The following FOXN2 variants were observed in gnomAD, a reference collection of about 807,000 sequenced individuals.
The protein encoded by FOXN2 is forkhead box N2.
Under a neutral mutation model 41.2 loss-of-function variants are expected in FOXN2, and 19 were observed. The observed-to-expected ratio is 0.46, with a 90% CI of 0.32 to 0.68. The LOEUF (loss-of-function observed/expected upper bound fraction) is 0.68. FOXN2 is among the 30% of genes least tolerant of loss of function. FOXN2 has a pLI of 0.03. For missense variants in FOXN2, 587 were observed against 509.4 expected (o/e 1.15, Z -1.47); for synonymous variants, 195 against 176.8 (o/e 1.10, Z -0.82).
intron 5 of FOXN2, 31 bp from the exon 6 acceptor site, chr2:48,373,261 A>G (rs756372837): frequency 2.0e-6 from 3 of 1,474,998 alleles, no homozygotes; most frequent in African/African-American, 1.4e-5. Context: ...TTTATAAAGA[A>G]CATTAATATT....
chr2:48,314,399 C>T (rs1215478658), upstream of FOXN2, among the ~76,000 whole-genome samples: 3 of 152,354 alleles, frequency 2.0e-5, no homozygotes, highest in East Asian at 1.9e-4. Context: ...ACAGCGCCTC[C>T]ACCCTGCTTT....
chr2:48,314,635 G>A (rs1177285619), upstream of FOXN2: 1 of 152,424 alleles, frequency 6.6e-6, no homozygotes, highest in Admixed American at 6.5e-5. Flanking sequence ...AGGGGAGGGA[G>A]GGGGAGGAAG....
intron 2 of FOXN2, among the ~76,000 whole-genome samples, chr2:48,335,436 T>G (rs895785609): frequency 2.6e-5 from 4 of 151,272 alleles, no homozygotes; most frequent in Admixed American, 2.6e-4. Context: ...GGGAACATTT[T>G]TAAGAGAAAA....
chr2:48,358,202 C>T lies in FOXN2; in HGVS notation c.538-845C>T, dbSNP rs549084161. ...CGTTTTTTTTTCAAAATTCCCTCCTCGGTGGAAAGTAAAGGAGTAGGAACA... is the reference window on the plus strand; with the variant it reads ...CGTTTTTTTTTCAAAATTCCCTCCTTGGTGGAAAGTAAAGGAGTAGGAACA... On this transcript the variant is annotated intron_variant, in intron 3 of 6. Transcript: ENST00000340553. 1.7e-3 allele frequency among the ~76,000 whole-genome samples: 259 copies of T among 151,486 alleles called. 2 individuals carry two copies. The highest frequency in any genetic ancestry group is 5.9e-3 in the African/African-American group (242 of 41,308).
chr2:48,329,468 C>T (rs927310930), intron 2 of FOXN2, among the ~76,000 whole-genome samples: 2 of 152,072 alleles, frequency 1.3e-5, no homozygotes, highest in African/African-American at 4.8e-5. Context: ...GAAGCAATTT[C>T]TCCATGAGAC....
intron 6 of FOXN2, 91 bp from the exon 7 acceptor site, chr2:48,374,829 T>C (rs1673130555): frequency 4.8e-6 from 5 of 1,046,524 alleles, no homozygotes; most frequent in Non-Finnish European, 6.9e-6. Context: ...CTAAAACATT[T>C]GTTGCTCAAG....
At position 48,375,542 on chromosome 2, in the gene FOXN2, TA is replaced by T; in HGVS notation, c.*101del. On this transcript the variant is annotated 3_prime_UTR_variant, in exon 7 of 7. Coordinates refer to ENST00000340553, the MANE Select transcript of FOXN2 (RefSeq NM_002158.4). ...TAGTTTTAGGGTAGGGAAGGGATACTAATTACTTATTTCTTTCAAAACATTT... is the reference window on the plus strand; with the variant it reads ...TAGTTTTAGGGTAGGGAAGGGATACTATTACTTATTTCTTTCAAAACATTT... 1.7e-6 allele frequency: 2 copies of T among 1,182,484 alleles called. No individual in the cohort carries two copies. The highest frequency in any genetic ancestry group is 2.3e-6 in the Non-Finnish European group (2 of 867,762). The allele number at this position is 1,182,484 out of a possible 1,614,324, so 73.2% of individuals were successfully genotyped here.
intron 1 of FOXN2, among the ~76,000 whole-genome samples, chr2:48,315,060 T>C (rs1668808001): frequency 6.6e-6 from 1 of 151,840 alleles, no homozygotes; most frequent in African/African-American, 2.4e-5. Flanking sequence ...GGAGTGTGGC[T>C]TGTGAGGAGT....
At chr2:48,328,792 G>A (rs942010869) in intron 2 of FOXN2, 90 bp downstream of exon 2, 33 of 152,078 alleles carry the variant, frequency 2.2e-4, no homozygotes, top group Admixed American at 1.3e-3. Flanking sequence ...GTTTTGTTTA[G>A]ATGTGGCATT....
At chr2:48,321,052 G>A (rs1235368128) in intron 1 of FOXN2, among the ~76,000 whole-genome samples, 3 of 151,802 alleles carry the variant, frequency 2.0e-5, no homozygotes, top group Non-Finnish European at 2.9e-5. Flanking sequence ...TACTGTTTCA[G>A]TTTTCTAGTA....
At chr2:48,315,176 A>G (rs967145469) in intron 1 of FOXN2, among the ~76,000 whole-genome samples, 35 of 152,132 alleles carry the variant, frequency 2.3e-4, no homozygotes, top group African/African-American at 7.2e-4. Context: ...GGGGGCCCCA[A>G]GGACCCTCAG....
chr2:48,318,568 C>A (rs763918074), intron 1 of FOXN2, among the ~76,000 whole-genome samples: 5 of 152,190 alleles, frequency 3.3e-5, no homozygotes, highest in Admixed American at 6.5e-5. Flanking sequence ...TCCTTCCGAT[C>A]TCTACTCTTT....
chr2:48,352,214 C>G (rs1429875263), intron 3 of FOXN2, among the ~76,000 whole-genome samples: 1 of 152,276 alleles, frequency 6.6e-6, no homozygotes, highest in South Asian at 2.1e-4. Context: ...AGGAATGTTA[C>G]AGTTAGTAGT....
In FOXN2 at chr2:48,351,499, C is replaced by T. The variant is rs77357495; in HGVS notation, c.537+4748C>T. 1.3e-3 allele frequency among the ~76,000 whole-genome samples: 200 copies of T among 152,290 alleles called. 1 individual carries two copies. Among genetic ancestry groups the T allele is most frequent in the African/African-American group, 4.6e-3 (193 of 41,546 alleles). ...AGCACAGTGGTCCCCAAACTTTTGACGCTAGGGACTGGTTTTGTGGAAGAC... is the reference window on the plus strand; with the variant it reads ...AGCACAGTGGTCCCCAAACTTTTGATGCTAGGGACTGGTTTTGTGGAAGAC... On this transcript the variant is annotated intron_variant, in intron 3 of 6. Coordinates refer to ENST00000340553, the MANE Select transcript of FOXN2 (RefSeq NM_002158.4).
intron 1 of FOXN2, among the ~76,000 whole-genome samples, chr2:48,322,386 C>T (rs1340818840): frequency 6.6e-6 from 1 of 151,978 alleles, no homozygotes; most frequent in African/African-American, 2.4e-5. Flanking sequence ...CCTGTGTAAC[C>T]CTGTCCTTTA....
intron 2 of FOXN2, among the ~76,000 whole-genome samples, chr2:48,335,318 A>G (rs748685454): frequency 2.0e-5 from 3 of 151,444 alleles, no homozygotes; most frequent in Non-Finnish European, 3.0e-5. Context: ...GTGGATAGGT[A>G]TAAAAGCAAA....
intron 2 of FOXN2, among the ~76,000 whole-genome samples, chr2:48,339,784 CAA>C (rs1248775101): frequency 1.1e-4 from 17 of 152,244 alleles, no homozygotes; most frequent in Non-Finnish European, 2.9e-5. Flanking sequence ...GATGTATACT[CAA>C]GAGAAATTTC....
At chr2:48,348,654 C>T (rs1449393799) in intron 3 of FOXN2, among the ~76,000 whole-genome samples, 1 of 152,202 alleles carries the variant, frequency 6.6e-6, no homozygotes. Context: ...AGGTATTGGT[C>T]AGTCTAGTTA....
At chr2:48,368,417 G>A (rs534486407) in intron 5 of FOXN2, among the ~76,000 whole-genome samples, 58 of 152,130 alleles carry the variant, frequency 3.8e-4, no homozygotes, top group South Asian at 1.7e-3. Context: ...GTTCATGCTC[G>A]TAATCCCAGC....
Sources: gnomAD v4.1 joint callset for allele counts (sites outside exome capture counted in the v4.1 genomes callset) on GRCh38, gnomAD v4.1.1 for gene constraint, MANE v1.5 for transcripts, NCBI Gene and HGNC (gene_info 2026-07-23, HGNC 2026-07-21) for gene names.